THSD4: variants seen among roughly 807,000 people sequenced by gnomAD.
The protein encoded by THSD4 is thrombospondin type-1 domain-containing protein 4.
In THSD4, 69 loss-of-function variants were observed where a neutral mutation model predicts 119.0. That is an observed-to-expected ratio of 0.58 (90% CI 0.48 to 0.71). The LOEUF (loss-of-function observed/expected upper bound fraction) is 0.71. Ranked by LOEUF, THSD4 falls within the 30% of genes least tolerant of loss-of-function variation. THSD4 has a pLI of 0.00. For synonymous variants in THSD4, 524 were observed against 540.4 expected, an observed-to-expected ratio of 0.97 and a Z score of 0.42; for missense variants, 1,393 against 1,391.1, an observed-to-expected ratio of 1.00 and a Z score of -0.02.
chr15:71,206,561 A>C (rs2043845426), intron 3 of THSD4, among the ~76,000 whole-genome samples: 2 of 152,208 alleles, frequency 1.3e-5, no homozygotes, highest in African/African-American at 4.8e-5. Flanking sequence ...TTAGAATTTC[A>C]GACTTTGCAT....
intron 7 of THSD4, among the ~76,000 whole-genome samples, chr15:71,467,749 C>T (rs2047519737): frequency 6.6e-6 from 1 of 151,924 alleles, no homozygotes; most frequent in African/African-American, 2.4e-5. Context: ...TCCCATGTGT[C>T]ATGGGAGGGA....
intron 7 of THSD4, among the ~76,000 whole-genome samples, chr15:71,473,036 GA>G (rs1566996971): frequency 6.7e-6 from 1 of 148,648 alleles, no homozygotes; most frequent in Admixed American, 6.7e-5. Context: ...AAGTCTTTTT[GA>G]CTGTATTACT....
chr15:71,604,227 C>G (rs2050064939), intron 7 of THSD4, among the ~76,000 whole-genome samples: 1 of 152,180 alleles, frequency 6.6e-6, no homozygotes, highest in African/African-American at 2.4e-5. Context: ...TCAGCCCAGA[C>G]AGGTGCAGCC....
intron 3 of THSD4, among the ~76,000 whole-genome samples, chr15:71,198,386 T>C (rs551896468): frequency 7.1e-4 from 108 of 152,382 alleles, no homozygotes; most frequent in Middle Eastern, 6.8e-3. Flanking sequence ...CAAATGCCAC[T>C]TTCTTCACTT....
chr15:71,246,121 AAGTCACTTAACACCCTG>A (rs2044198153), intron 5 of THSD4, among the ~76,000 whole-genome samples: 1 of 152,150 alleles, frequency 6.6e-6, no homozygotes, highest in South Asian at 2.1e-4. Flanking sequence ...TTCCTTGGGC[AAGTCACTTAACACCCTG>A]AGGACCATCT....
rs906764555 is a variant in THSD4 at position 71,579,555 on chromosome 15, T to TA, written c.1153-80972dup. Among the ~76,000 whole-genome samples, 10 of 152,334 alleles carry TA rather than the reference T, an allele frequency of 6.6e-5. No homozygotes were observed. The East Asian group carries it at 1.9e-3, about 29-fold the overall frequency. On this transcript the variant is annotated intron_variant, in intron 7 of 17. Coordinates refer to ENST00000261862, the MANE Select transcript of THSD4 (RefSeq NM_024817.3). ...CAGGTCAGAAGATCTGTCATTTGAT[T>TA]AAAGTCACTTCCCTGGGACTGAGAA...
intron 7 of THSD4, among the ~76,000 whole-genome samples, chr15:71,414,034 G>T (rs1202553363): frequency 6.6e-6 from 1 of 152,182 alleles, no homozygotes; most frequent in Non-Finnish European, 1.5e-5. Context: ...GAATGTAATG[G>T]TAGAGTATAA....
chr15:71,739,337 CAAAAG>C (rs1402595264), intron 11 of THSD4, among the ~76,000 whole-genome samples: 1 of 152,218 alleles, frequency 6.6e-6, no homozygotes, highest in African/African-American at 2.4e-5. Flanking sequence ...TCTCTCCAAA[CAAAAG>C]AAAAGATAGA....
intron 1 of THSD4, among the ~76,000 whole-genome samples, chr15:71,117,324 A>G (rs1596206360): frequency 6.6e-6 from 1 of 151,988 alleles, no homozygotes; most frequent in Non-Finnish European, 1.5e-5. Flanking sequence ...GGGTGGGGAG[A>G]TTTTTGACTT....
chr15:71,491,600 G>A (rs1282360363), intron 7 of THSD4, among the ~76,000 whole-genome samples: 1 of 152,184 alleles, frequency 6.6e-6, no homozygotes. Context: ...GGCCCAGCAT[G>A]GTGGCTCACG....
intron 6 of THSD4, among the ~76,000 whole-genome samples, chr15:71,408,358 G>A (rs2046635997): frequency 6.6e-6 from 1 of 152,026 alleles, no homozygotes. Context: ...TCAGCCTCCT[G>A]AGTAGCTGGG....
chr15:71,347,634 T>C (rs2045683731), intron 6 of THSD4, among the ~76,000 whole-genome samples: 1 of 152,216 alleles, frequency 6.6e-6, no homozygotes, highest in African/African-American at 2.4e-5. Flanking sequence ...ATGGGGTTTT[T>C]ATATACCTGT....
At chr15:71,452,386 T>G (rs904079344) in intron 7 of THSD4, among the ~76,000 whole-genome samples, 3 of 151,976 alleles carry the variant, frequency 2.0e-5, no homozygotes, top group Non-Finnish European at 2.9e-5. Flanking sequence ...GGGCTGGGTA[T>G]GGGGGAGGCT....
At chr15:71,580,011 G>A (rs988330300) in intron 7 of THSD4, among the ~76,000 whole-genome samples, 11 of 151,900 alleles carry the variant, frequency 7.2e-5, no homozygotes, top group African/African-American at 2.7e-4. Context: ...ACTAATTGGA[G>A]ATATTAAAAA....
At chr15:71,692,371 T>C (rs141216140) in intron 8 of THSD4, among the ~76,000 whole-genome samples, 6 of 152,362 alleles carry the variant, frequency 3.9e-5, no homozygotes, top group African/African-American at 1.4e-4. Flanking sequence ...CCCACTTTTA[T>C]GTTGTTAGAT....
upstream of THSD4, among the ~76,000 whole-genome samples, chr15:71,112,950 C>T (rs558504937): frequency 5.9e-5 from 9 of 152,122 alleles, no homozygotes; most frequent in South Asian, 2.1e-4. Context: ...AGGCCAAGAA[C>T]GGAGGATCAC....
intron 7 of THSD4, among the ~76,000 whole-genome samples, chr15:71,657,413 C>G (rs1322384218): frequency 1.3e-5 from 2 of 152,208 alleles, no homozygotes; most frequent in African/African-American, 4.8e-5. Flanking sequence ...TTCACAACAG[C>G]CCTGTGCAGG....
chr15:71,274,336 A>T (rs1380377824), intron 6 of THSD4, among the ~76,000 whole-genome samples: 1 of 152,220 alleles, frequency 6.6e-6, no homozygotes, highest in African/African-American at 2.4e-5. Flanking sequence ...CGCAAGTATC[A>T]TTCATTCCTC....
At chr15:71,261,010 G>A (rs1015559766) in intron 6 of THSD4, among the ~76,000 whole-genome samples, 16 of 152,208 alleles carry the variant, frequency 1.1e-4, no homozygotes, top group African/African-American at 3.9e-4. Context: ...GCTGAGGCAG[G>A]AGAATCACTT....
Sources: allele counts gnomAD v4.1 joint callset (sites outside exome capture counted in the v4.1 genomes callset), GRCh38; gene constraint gnomAD v4.1.1; transcripts MANE v1.5; gene names NCBI Gene and HGNC (gene_info 2026-07-23, HGNC 2026-07-21).